Variants in FHAD1 observed in about 807,000 individuals in gnomAD.
FHAD1 encodes forkhead associated phosphopeptide binding domain 1, also known as forkhead-associated domain-containing protein 1.
Under a neutral mutation model 191.3 loss-of-function variants are expected in FHAD1, and 146 were observed. The ratio of observed to expected loss-of-function variants is 0.76; its 90% CI spans 0.67 to 0.88. FHAD1 has a LOEUF of 0.88. Ranked by LOEUF, FHAD1 falls within the 40% of genes least tolerant of loss-of-function variation. FHAD1 has a pLI of 0.00. For synonymous variants in FHAD1, 616 were observed against 672.3 expected, an observed-to-expected ratio of 0.92 and a Z score of 1.29; for missense variants, 1,635 against 1,785.8, an observed-to-expected ratio of 0.92 and a Z score of 1.52.
At chr1:15,326,847 C>T (rs975846668) in intron 11 of FHAD1, 13 of 533,922 alleles carry the variant, frequency 2.4e-5, no homozygotes, top group East Asian at 1.9e-4. Context: ...GTTAGGCAGG[C>T]GTGCCTAAAA....
At chr1:15,371,425 C>T (rs1570370740) in intron 26 of FHAD1, among the ~76,000 whole-genome samples, 3 of 152,164 alleles carry the variant, frequency 2.0e-5, no homozygotes, top group Non-Finnish European at 4.4e-5. Context: ...TGGTTTTCCT[C>T]CTTCGGGCTC....
chr1:15,326,990 A>C (rs1678941194), intron 11 of FHAD1, 69 bp from the exon 12 acceptor site: 3 of 945,734 alleles, frequency 3.2e-6, no homozygotes, highest in Middle Eastern at 4.2e-4. Context: ...GCACCCTGCC[A>C]TGGAAACGCT....
At chr1:15,321,807 ATGCATGTGTG>A (rs1213950462) in intron 10 of FHAD1, among the ~76,000 whole-genome samples, 3 of 152,234 alleles carry the variant, frequency 2.0e-5, no homozygotes, top group Non-Finnish European at 2.9e-5. Context: ...ACATGTGTGC[ATGCATGTGTG>A]TGCATGTGTG....
intron 2 of FHAD1, among the ~76,000 whole-genome samples, chr1:15,256,593 G>A (rs1388108860): frequency 1.4e-5 from 2 of 145,712 alleles, no homozygotes. Flanking sequence ...ATTGCAGTGA[G>A]CTGAGATTGT....
At chr1:15,296,586 T>TG (rs1384880053) in intron 4 of FHAD1, 98 bp from the exon 5 acceptor site, 7 of 1,101,312 alleles carry the variant, frequency 6.4e-6, no homozygotes, top group Middle Eastern at 2.0e-4. Flanking sequence ...TATCAATCTC[T>TG]GGGGGGAAAC....
At chr1:15,284,092 A>C (rs1661510836) in intron 3 of FHAD1, among the ~76,000 whole-genome samples, 1 of 152,106 alleles carries the variant, frequency 6.6e-6, no homozygotes, top group African/African-American at 2.4e-5. Context: ...CCTACCCCAG[A>C]GTTATTCTCG....
intron 14 of FHAD1, among the ~76,000 whole-genome samples, chr1:15,337,737 C>T (rs1684822645): frequency 6.6e-6 from 1 of 152,084 alleles, no homozygotes; most frequent in Non-Finnish European, 1.5e-5. Flanking sequence ...CAGCTCCAGC[C>T]TCTCGAATGC....
intron 16 of FHAD1, among the ~76,000 whole-genome samples, 198 bp downstream of exon 16, chr1:15,342,086 A>C (rs150621073): frequency 0.01 from 1,575 of 152,362 alleles, 30 homozygotes; most frequent in African/African-American, 0.034. Flanking sequence ...CAGCAAAATC[A>C]ACTTGAAAAG....
chr1:15,263,288 A>G lies in FHAD1; in HGVS notation c.94-9035A>G, dbSNP rs1038504502. The stretch of plus-strand genomic sequence containing the variant: ...CTGTGTTGAGTGTATCCTTTGATAT[A>G]TAGAAGTTTTAATGTTAATGTATTC... On this transcript the variant is annotated intron_variant, in intron 2 of 33. Coordinates refer to ENST00000688493, the MANE Select transcript of FHAD1 (RefSeq NM_001391957.1). Among the ~76,000 whole-genome samples the G allele has an allele frequency of 3.3e-5, 5 of 152,006 alleles. No individual in the cohort carries two copies. The South Asian group carries it at 6.2e-4, about 19-fold the overall frequency.
At chr1:15,285,303 G>T (rs1011633771) in intron 3 of FHAD1, among the ~76,000 whole-genome samples, 1 of 152,128 alleles carries the variant, frequency 6.6e-6, no homozygotes, top group Non-Finnish European at 1.5e-5. Context: ...AGGCCAAGGC[G>T]GGTGGATCAT....
At chr1:15,263,987 A>T (rs188415107) in intron 2 of FHAD1, among the ~76,000 whole-genome samples, 1 of 152,164 alleles carries the variant, frequency 6.6e-6, no homozygotes, top group Non-Finnish European at 1.5e-5. Context: ...TTCACTGTCT[A>T]TGTGTCTGGC....
rs140293537 is a variant in FHAD1 at position 15,289,626 on chromosome 1, C to T, written c.528C>T (p.Phe176=). The change falls in exon 4 of 34, where the codon TTC becomes TTT. Residue 176 remains phenylalanine (F), a synonymous_variant. Transcript: ENST00000688493. This position sits in a 1 kb window ranked among gnomAD's most constrained non-coding sequence, Gnocchi z 4.2. ...PVSANKEMFS[F]VVDDARKPPV... is the part of the protein sequence containing the mutation. ...GCGCCAACAAGGAGATGTTCTCGTT[C>T]GTGGTGGACGACGCCCGCAAGCCAC... is the stretch of plus-strand genomic sequence containing the variant. 21,772 of 1,551,144 alleles carry T rather than the reference C, an allele frequency of 0.014. 190 individuals carry two copies. The highest frequency in any genetic ancestry group is 0.016 in the Non-Finnish European group (17,774 of 1,146,496).
chr1:15,311,015 G>A lies in FHAD1; in HGVS notation c.1040-2042G>A, dbSNP rs139811524. Among the ~76,000 whole-genome samples, 57 of 152,312 alleles carry A rather than the reference G, an allele frequency of 3.7e-4. No individual in the cohort carries two copies. Among genetic ancestry groups the A allele is most frequent in the African/African-American group, 1.1e-3 (47 of 41,568 alleles). ...ACAGAAAAAAATGTCTGAAATAATG[G>A]TTTCCATCTATTGGCCCCAAGAAGC... On this transcript the variant is annotated intron_variant, in intron 7 of 33. Coordinates refer to ENST00000688493, the MANE Select transcript of FHAD1 (RefSeq NM_001391957.1). The surrounding 1 kb of genome is among the most constrained non-coding windows in gnomAD (Gnocchi z 4.1).
At position 15,391,241 on chromosome 1, in the gene FHAD1, G is replaced by A. The variant is rs775824137; in HGVS notation, c.4301G>A (p.Arg1434Lys). Residue 1434 changes from arginine to lysine, a missense_variant, in exon 33 of 34, where the codon AGG (arginine) becomes AAG (lysine). Physicochemically the swap from Arg to Lys is conservative, Grantham distance 26 (BLOSUM62 2). Coordinates refer to ENST00000688493, the MANE Select transcript of FHAD1 (RefSeq NM_001391957.1). ...GTATTTGTAGAGATGGTGAAGAACAGGATGCAGAACTCAAATTCCCAGGTG... is the reference window on the plus strand; with the variant it reads ...GTATTTGTAGAGATGGTGAAGAACAAGATGCAGAACTCAAATTCCCAGGTG... The part of the protein sequence containing the change: ...RRVFVEMVKN[R>K]MQNSNSQVGT... 8.8e-5 allele frequency: 114 copies of A among 1,288,636 alleles called. No homozygotes were observed. In the Admixed American group the frequency reaches 1.3e-3, roughly 15 times the overall value. The allele number at this position is 1,288,636 out of a possible 1,614,324, so 79.8% of individuals were successfully genotyped here.
Position 15,329,687 on chromosome 1 carries a change from G to A in FHAD1, c.1906+146G>A. 1 of 602,950 alleles carries A rather than the reference G, an allele frequency of 1.7e-6. No individual in the cohort carries two copies. The highest frequency in any genetic ancestry group is 2.8e-6 in the Non-Finnish European group (1 of 361,202). 37.3% of individuals were successfully genotyped at this position (602,950 alleles called of 1,614,324 possible). A position where few individuals can be genotyped will look rare whatever the true frequency, so the allele number is the denominator to read the frequency against. On this transcript the variant is annotated intron_variant, in intron 14 of 33. Transcript: ENST00000688493. This position sits in a 1 kb window ranked among gnomAD's most constrained non-coding sequence, Gnocchi z 5.0. ...TCCAGAACCCCCTGCTTCTCTGCTT[G>A]AGGCGTAATTTTCCATTAAAAAAAA...
At chr1:15,304,804 C>G (rs1398537625) in intron 6 of FHAD1, among the ~76,000 whole-genome samples, 1 of 152,042 alleles carries the variant, frequency 6.6e-6, no homozygotes, top group East Asian at 1.9e-4. Flanking sequence ...GACTGGTGCA[C>G]GAAATGGGCC....
rs377242603 is a variant in FHAD1, at chr1:15,388,547, C to T, written c.4269+416C>T. On this transcript the variant is annotated intron_variant, in intron 32 of 33. Transcript: ENST00000688493. ...GAAGAAAGAAGGGAGGAGTGAGGAG[C>T]TTCAGGAATCCCTGTCCTAAGAATG... is the stretch of plus-strand genomic sequence containing the variant. The T allele has an allele frequency of 1.0e-4, 26 of 254,818 alleles. No homozygotes were observed. In the South Asian group the frequency reaches 1.4e-3, roughly 13 times the overall value. 15.8% of individuals were successfully genotyped at this position (254,818 alleles called of 1,614,324 possible).
At chr1:15,382,244 C>A in intron 31 of FHAD1, 51 bp downstream of exon 31, 1 of 1,529,170 alleles carries the variant, frequency 6.5e-7, no homozygotes, top group South Asian at 1.2e-5. Flanking sequence ...CTGCAGCTCC[C>A]ATTAGCAATG....
rs757135630 is a variant in FHAD1 at position 15,374,584 on chromosome 1, C to G, written c.3530C>G (p.Ser1177Cys). 6.4e-6 allele frequency: 10 copies of G among 1,551,616 alleles called. No individual in the cohort carries two copies. In the African/African-American group the frequency reaches 1.2e-4, roughly 19 times the overall value. The part of the protein sequence containing the change: ...EVIQRQKKAL[S>C]ELRARIKELE... ...ATTCAGCGTCAGAAAAAGGCCTTAT[C>G]TGAACTTCGAGCGCGAATTAAAGAA... is the stretch of plus-strand genomic sequence containing the variant. Residue 1177 changes from serine (S) to cysteine (C), a missense_variant, in exon 27 of 34, where the codon TCT (serine) becomes TGT (cysteine). Transcript: ENST00000688493.
Sources: allele counts gnomAD v4.1 joint callset (sites outside exome capture counted in the v4.1 genomes callset), GRCh38; gene constraint gnomAD v4.1.1; non-coding constraint Gnocchi (gnomAD v3.1); transcripts MANE v1.5; gene names NCBI Gene and HGNC (gene_info 2026-07-23, HGNC 2026-07-21).